RUNX1: variants seen among roughly 807,000 people sequenced by gnomAD.
The protein encoded by RUNX1 is RUNX family transcription factor 1, also known as runt-related transcription factor 1.
A neutral mutation model predicts 42.8 loss-of-function variants in RUNX1; 19 were observed. The observed-to-expected ratio is 0.44, with a 90% CI of 0.31 to 0.65. RUNX1 has a LOEUF of 0.65. RUNX1 is among the 30% of genes least tolerant of loss of function. The pLI, the probability that RUNX1 is intolerant of heterozygous loss-of-function variation, is 0.07. For synonymous variants in RUNX1, 271 were observed against 289.4 expected, an observed-to-expected ratio of 0.94 and a Z score of 0.64; for missense variants, 528 against 672.0, an observed-to-expected ratio of 0.79 and a Z score of 2.37.
At chr21:34,906,796 G>A (rs948990736) in intron 2 of RUNX1, among the ~76,000 whole-genome samples, 5 of 152,234 alleles carry the variant, frequency 3.3e-5, no homozygotes, top group Non-Finnish European at 7.3e-5. Flanking sequence ...CTGGATTGCA[G>A]TACAAGGAAA....
chr21:34,883,452 C>A (rs1334199311), intron 4 of RUNX1, among the ~76,000 whole-genome samples: 1 of 151,678 alleles, frequency 6.6e-6, no homozygotes, highest in Non-Finnish European at 1.5e-5. Context: ...CTTTTTAATT[C>A]AAAACTAACA....
intron 2 of RUNX1, among the ~76,000 whole-genome samples, chr21:35,013,113 A>C (rs1281742741): frequency 6.6e-6 from 1 of 152,230 alleles, no homozygotes; most frequent in Non-Finnish European, 1.5e-5. Context: ...CATGTATACA[A>C]ACATACTATC....
chr21:34,872,752 G>T (rs1285718307), intron 5 of RUNX1, among the ~76,000 whole-genome samples: 4 of 152,110 alleles, frequency 2.6e-5, no homozygotes, highest in Admixed American at 2.0e-4. Flanking sequence ...TGGGGAGGCT[G>T]TCAGGTTCAT....
rs184923369 is a variant in RUNX1 at position 35,030,208 on chromosome 21, C to T, written c.58+18634G>A. Among the ~76,000 whole-genome samples the T allele has an allele frequency of 6.5e-4, 99 of 152,138 alleles. 2 individuals are homozygous for T. The highest frequency in any genetic ancestry group is 2.8e-3 in the Admixed American group (43 of 15,280). ...AATACAAAAAATTAGCCGGGCATGG[C>T]GGTGTGCACCTGTAATCCCAGCCAC... On this transcript the variant is annotated intron_variant, in intron 2 of 8. Transcript: ENST00000675419.
intron 8 of RUNX1, among the ~76,000 whole-genome samples, chr21:34,795,409 C>T (rs1397410521): frequency 6.6e-6 from 1 of 152,124 alleles, no homozygotes; most frequent in Non-Finnish European, 1.5e-5. Context: ...TGCTCTAACA[C>T]ATTTTTAAAA....
intron 3 of RUNX1, chr21:34,887,742 A>G: frequency 9.4e-7 from 1 of 1,061,272 alleles, no homozygotes; most frequent in Non-Finnish European, 1.1e-6. Context: ...TATTTACAAT[A>G]CAATCTGTGG....
At chr21:35,004,468 T>A (rs141661908) in intron 2 of RUNX1, among the ~76,000 whole-genome samples, 1 of 152,082 alleles carries the variant, frequency 6.6e-6, no homozygotes, top group Non-Finnish European at 1.5e-5. Context: ...AAAAATCAGC[T>A]CCCCATCTGT....
chr21:34,847,546 C>T (rs2057335147), intron 6 of RUNX1, among the ~76,000 whole-genome samples: 1 of 151,912 alleles, frequency 6.6e-6, no homozygotes, highest in Admixed American at 6.6e-5. Flanking sequence ...ACTTAAAAAG[C>T]ACATTGATAT....
chr21:35,010,204 T>C (rs578017563), intron 2 of RUNX1, among the ~76,000 whole-genome samples: 1 of 151,798 alleles, frequency 6.6e-6, no homozygotes, highest in Non-Finnish European at 1.5e-5. Context: ...TGTTTTTTTT[T>C]CCTCCCTAAA....
At position 34,791,884 on chromosome 21, in the gene RUNX1, G is replaced by T; in HGVS notation, c.*251C>A. 3.7e-6 allele frequency: 1 copy of T among 270,462 alleles called. No individual in the cohort carries two copies. Among genetic ancestry groups the T allele is most frequent in the Non-Finnish European group, 7.1e-6 (1 of 140,282 alleles). The allele number at this position is 270,462 out of a possible 1,614,324, so 16.8% of individuals were successfully genotyped here. A position where few individuals can be genotyped will look rare whatever the true frequency, so the allele number is the denominator to read the frequency against. On this transcript the variant is annotated 3_prime_UTR_variant, in exon 9 of 9. Transcript: ENST00000675419. ...GGTGCTGGGGCCGGCGGACACCCTC[G>T]AGGTGCGTCGCCTCGGACACCTCCG...
chr21:34,882,461 T>G (rs763266663), intron 4 of RUNX1, among the ~76,000 whole-genome samples: 15 of 152,228 alleles, frequency 9.9e-5, no homozygotes, highest in Non-Finnish European at 1.9e-4. Context: ...TCTGGGCCTT[T>G]TCTCTCTTTT....
At chr21:34,988,732 T>C (rs1038465419) in intron 2 of RUNX1, among the ~76,000 whole-genome samples, 6 of 152,184 alleles carry the variant, frequency 3.9e-5, no homozygotes, top group Non-Finnish European at 7.4e-5. Flanking sequence ...CTTATTATGA[T>C]TATTATTGGG....
chr21:34,989,411 G>C (rs528745059), intron 2 of RUNX1, among the ~76,000 whole-genome samples: 9 of 151,964 alleles, frequency 5.9e-5, no homozygotes, highest in Non-Finnish European at 1.2e-4. Flanking sequence ...CTTTCTAGGA[G>C]AGCTGACTTC....
At chr21:34,998,742 C>G (rs565969262) in intron 2 of RUNX1, among the ~76,000 whole-genome samples, 29 of 152,102 alleles carry the variant, frequency 1.9e-4, no homozygotes, top group African/African-American at 6.3e-4. Context: ...GGGGTTTCAC[C>G]GAGTTAGCCA....
At chr21:35,026,616 T>C (rs1371532824) in intron 2 of RUNX1, among the ~76,000 whole-genome samples, 1 of 152,234 alleles carries the variant, frequency 6.6e-6, no homozygotes, top group East Asian at 1.9e-4. Flanking sequence ...AACGGTGTCA[T>C]TTTCATGACA....
chr21:34,900,963 A>T (rs2058172682), intron 2 of RUNX1, among the ~76,000 whole-genome samples: 1 of 152,200 alleles, frequency 6.6e-6, no homozygotes, highest in Non-Finnish European at 1.5e-5. Context: ...ATAGCATATA[A>T]ATTTTTCAAA....
At chr21:34,861,833 G>C (rs2057580938) in intron 5 of RUNX1, among the ~76,000 whole-genome samples, 1 of 152,086 alleles carries the variant, frequency 6.6e-6, no homozygotes, top group African/African-American at 2.4e-5. Flanking sequence ...TTGCTTTATG[G>C]CTGTTTGGGC....
At chr21:34,797,976 G>T (rs118036297) in intron 8 of RUNX1, 7,691 of 456,158 alleles carry the variant, frequency 0.017, 91 homozygotes, top group Non-Finnish European at 0.027. Flanking sequence ...CCCCAACAAA[G>T]AATTATTTGG....
intron 3 of RUNX1, chr21:34,887,685 T>C (rs967252988): frequency 2.8e-6 from 3 of 1,066,552 alleles, no homozygotes; most frequent in African/African-American, 1.7e-5. Flanking sequence ...GCTACTAATG[T>C]ATGTGCACGT....
Sources: allele counts gnomAD v4.1 joint callset (sites outside exome capture counted in the v4.1 genomes callset), GRCh38; gene constraint gnomAD v4.1.1; transcripts MANE v1.5; gene names NCBI Gene and HGNC (gene_info 2026-07-23, HGNC 2026-07-21).